METTL8: variants seen among roughly 807,000 people sequenced by gnomAD.
METTL8 encodes the protein methyltransferase 8, tRNA N3-cytidine.
A neutral mutation model predicts 48.7 loss-of-function variants in METTL8; 32 were observed. The ratio of observed to expected loss-of-function variants is 0.66; its 90% CI spans 0.50 to 0.88. The LOEUF is 0.88. Among genes scored for constraint, METTL8 ranks in the 40% least tolerant of loss-of-function variants. The pLI, the probability that METTL8 is intolerant of heterozygous loss-of-function variation, is 0.00. For synonymous variants in METTL8, 136 were observed against 157.1 expected, an observed-to-expected ratio of 0.87 and a Z score of 1.01; for missense variants, 464 against 474.4, an observed-to-expected ratio of 0.98 and a Z score of 0.20.
At chr2:171,386,626 T>C (rs1036034907) in intron 2 of METTL8, among the ~76,000 whole-genome samples, 1 of 151,738 alleles carries the variant, frequency 6.6e-6, no homozygotes. Flanking sequence ...TAGCTGGGCG[T>C]GGTGGCAATA....
At chr2:171,429,039 C>G (rs1692702299) in intron 1 of METTL8, among the ~76,000 whole-genome samples, 1 of 151,788 alleles carries the variant, frequency 6.6e-6, no homozygotes, top group South Asian at 2.1e-4. Flanking sequence ...TATGTGAACC[C>G]CTAGGGATTT....
At chr2:171,424,978 G>A (rs1419823905) in intron 1 of METTL8, among the ~76,000 whole-genome samples, 1 of 152,118 alleles carries the variant, frequency 6.6e-6, no homozygotes, top group Non-Finnish European at 1.5e-5. Context: ...TGAATCATGG[G>A]GGTGGTTACC....
intron 1 of METTL8, among the ~76,000 whole-genome samples, chr2:171,396,541 T>C (rs1296542331): frequency 6.6e-6 from 1 of 152,178 alleles, no homozygotes; most frequent in African/African-American, 2.4e-5. Flanking sequence ...GCTTTTCTAA[T>C]AGGCAGTGCT....
chr2:171,425,351 C>T (rs1692296626), intron 1 of METTL8, among the ~76,000 whole-genome samples: 1 of 152,224 alleles, frequency 6.6e-6, no homozygotes, highest in African/African-American at 2.4e-5. Context: ...GAGACCCCCT[C>T]ATCCTCTGCA....
intron 1 of METTL8, among the ~76,000 whole-genome samples, chr2:171,396,490 C>T (rs1689078120): frequency 6.6e-6 from 1 of 152,076 alleles, no homozygotes; most frequent in East Asian, 1.9e-4. Context: ...TCATGTATGG[C>T]ATGCTGTGTA....
chr2:171,389,514 CAAAAAAAAAAAAA>C (rs56087323), intron 2 of METTL8, among the ~76,000 whole-genome samples: 7 of 52,024 alleles, frequency 1.3e-4, no homozygotes, highest in South Asian at 1.1e-3. Context: ...CCCTGTCTCA[CAAAAAAAAAAAAA>C]AAAAAAAAAA....
intron 3 of METTL8, among the ~76,000 whole-genome samples, chr2:171,346,696 C>T (rs1413804313): frequency 6.6e-6 from 1 of 152,190 alleles, no homozygotes; most frequent in Non-Finnish European, 1.5e-5. Flanking sequence ...TAGGACTCTC[C>T]TAGATAAGAA....
chr2:171,415,271 G>A (rs1407705962), intron 1 of METTL8, among the ~76,000 whole-genome samples: 1 of 150,848 alleles, frequency 6.6e-6, no homozygotes, highest in African/African-American at 2.4e-5. Flanking sequence ...GGAAAGTCTA[G>A]TAGAATTTAT....
chr2:171,406,432 T>A (rs1690185221), intron 1 of METTL8, among the ~76,000 whole-genome samples: 2 of 152,224 alleles, frequency 1.3e-5, no homozygotes, highest in African/African-American at 4.8e-5. Context: ...TTTTATTTTC[T>A]CACAGGTCTG....
intron 2 of METTL8, among the ~76,000 whole-genome samples, chr2:171,361,415 G>A (rs1473556423): frequency 6.6e-6 from 1 of 152,102 alleles, no homozygotes; most frequent in Non-Finnish European, 1.5e-5. Flanking sequence ...TATGATATAT[G>A]TAGTAGTCAC....
intron 1 of METTL8, among the ~76,000 whole-genome samples, chr2:171,405,622 G>C (rs1349388085): frequency 1.3e-5 from 2 of 152,186 alleles, no homozygotes; most frequent in Non-Finnish European, 2.9e-5. Context: ...TATTTGTTAA[G>C]CTGCAAAGAT....
At chr2:171,402,132 G>C (rs1689708634) in intron 1 of METTL8, among the ~76,000 whole-genome samples, 1 of 152,092 alleles carries the variant, frequency 6.6e-6, no homozygotes, top group Non-Finnish European at 1.5e-5. Context: ...TATTTGTGCT[G>C]GGTATAGAAG....
At chr2:171,401,357 C>T (rs1423204178) in intron 1 of METTL8, among the ~76,000 whole-genome samples, 1 of 152,114 alleles carries the variant, frequency 6.6e-6, no homozygotes, top group East Asian at 1.9e-4. Flanking sequence ...GCAACTCATG[C>T]ATCTTGTTTT....
At chr2:171,425,640 A>G (rs996492462) in intron 1 of METTL8, among the ~76,000 whole-genome samples, 4 of 152,224 alleles carry the variant, frequency 2.6e-5, no homozygotes, top group Non-Finnish European at 4.4e-5. Context: ...ATGAGACCAC[A>G]GCCCAGGCTG....
chr2:171,391,761 C>T (rs1049894973), intron 2 of METTL8, among the ~76,000 whole-genome samples: 1 of 152,122 alleles, frequency 6.6e-6, no homozygotes, highest in Non-Finnish European at 1.5e-5. Context: ...CACCCCCACC[C>T]AGTGACAGCA....
At chr2:171,384,465 G>A (rs191072302) in intron 2 of METTL8, among the ~76,000 whole-genome samples, 2 of 151,898 alleles carry the variant, frequency 1.3e-5, no homozygotes, top group East Asian at 1.9e-4. Flanking sequence ...AGCTGTGACC[G>A]TGCCACTGCA....
chr2:171,354,283 G>A (rs1314426741), intron 3 of METTL8, among the ~76,000 whole-genome samples: 10 of 152,094 alleles, frequency 6.6e-5, no homozygotes, highest in Non-Finnish European at 1.2e-4. Flanking sequence ...GTTGAATATC[G>A]GCCCCCACTC....
intron 2 of METTL8, among the ~76,000 whole-genome samples, chr2:171,391,733 C>T (rs919864300): frequency 6.6e-6 from 1 of 152,094 alleles, no homozygotes; most frequent in Admixed American, 6.6e-5. Flanking sequence ...AGGAGGGCCC[C>T]ACCTAGGAAA....
intron 3 of METTL8, among the ~76,000 whole-genome samples, chr2:171,340,285 T>C (rs1430990362): frequency 4.0e-5 from 6 of 149,266 alleles, no homozygotes; most frequent in Non-Finnish European, 8.9e-5. Flanking sequence ...GATGGACACT[T>C]GAGGTAAGGA....
Sources: allele counts gnomAD v4.1 joint callset (sites outside exome capture counted in the v4.1 genomes callset), GRCh38; gene constraint gnomAD v4.1.1; transcripts MANE v1.5; gene names NCBI Gene and HGNC (gene_info 2026-07-23, HGNC 2026-07-21).